Variants in CAPN2 observed in about 807,000 individuals in gnomAD.
The protein encoded by CAPN2 is calpain 2.
Under a neutral mutation model 102.3 loss-of-function variants are expected in CAPN2, and 92 were observed. That is an observed-to-expected ratio of 0.90 (90% CI 0.76 to 1.07). CAPN2 has a LOEUF of 1.07. Among genes scored for constraint, CAPN2 ranks in the 50% least tolerant of loss-of-function variants. The pLI, the probability that CAPN2 is intolerant of heterozygous loss-of-function variation, is 0.00. For missense variants in CAPN2, 800 were observed against 909.4 expected, an observed-to-expected ratio of 0.88 and a Z score of 1.55; for synonymous variants, 340 against 355.4, an observed-to-expected ratio of 0.96 and a Z score of 0.49.
Position 223,755,834 on chromosome 1 carries a change from C to A in CAPN2, c.1305+185C>A, listed in dbSNP as rs1556780. ...CCCCGTAGGGAGGCCCCTGCAGTGG[C>A]TCTGGGTTGTGGGGCCTTCTAAGCC... On this transcript the variant is annotated intron_variant, in intron 10 of 20. Coordinates refer to ENST00000295006, the MANE Select transcript of CAPN2 (RefSeq NM_001748.5). This position sits in a 1 kb window ranked among gnomAD's most constrained non-coding sequence, Gnocchi z 4.1. 6.6e-6 allele frequency among the ~76,000 whole-genome samples: 1 copy of A among 152,150 alleles called. No individual in the cohort carries two copies. Among genetic ancestry groups the A allele is most frequent in the South Asian group, 2.1e-4 (1 of 4,834 alleles).
At chr1:223,740,344 C>T (rs1245929415) in intron 2 of CAPN2, among the ~76,000 whole-genome samples, 1 of 152,194 alleles carries the variant, frequency 6.6e-6, no homozygotes, top group African/African-American at 2.4e-5. Context: ...AAAGGGTACA[C>T]TCACCAGGAG....
In CAPN2 at chr1:223,759,414, A is replaced by C. The variant is rs144006318; in HGVS notation, c.1462A>C (p.Thr488Pro). 34 of 1,614,014 alleles carry C rather than the reference A, an allele frequency of 2.1e-5. No homozygotes were observed. Among genetic ancestry groups the C allele is most frequent in the Middle Eastern group, 1.6e-4 (1 of 6,082 alleles). Residue 488 changes from threonine (T) to proline (P), a missense_variant, in exon 12 of 21, where the codon ACC (threonine) becomes CCC (proline). Thr to Pro is a conservative substitution (Grantham distance 38). Transcript: ENST00000295006. This position sits in a 1 kb window ranked among gnomAD's most constrained non-coding sequence, Gnocchi z 4.6. ...PPGEYILVPS[T>P]FEPNKDGDFC... is the part of the protein sequence containing the mutation. ...AGGAGAGTACATTCTCGTGCCTTCC[A>C]CCTTCGAACCCAACAAGGATGGGGA... is the stretch of plus-strand genomic sequence containing the variant.
chr1:223,754,204 A>C lies in CAPN2; in HGVS notation c.1135+1248A>C, dbSNP rs2102805001. Among the ~76,000 whole-genome samples the C allele has an allele frequency of 6.6e-6, 1 of 152,326 alleles. No homozygotes were observed. Among genetic ancestry groups the C allele is most frequent in the Admixed American group, 6.5e-5 (1 of 15,298 alleles). On this transcript the variant is annotated intron_variant, in intron 9 of 20. Coordinates refer to ENST00000295006, the MANE Select transcript of CAPN2 (RefSeq NM_001748.5). This position sits in a 1 kb window ranked among gnomAD's most constrained non-coding sequence, Gnocchi z 4.7. The stretch of plus-strand genomic sequence containing the variant: ...GACAGATGAGGAAGCTGAGCCTCTA[A>C]GTCGCATACCAGGGCCACAGAGCAA...
At position 223,731,759 on chromosome 1, in the gene CAPN2, C is replaced by T. The variant is rs1340615247; in HGVS notation, c.308-12341C>T. Among the ~76,000 whole-genome samples the T allele has an allele frequency of 6.6e-6, 1 of 152,146 alleles. No homozygotes were observed. Among genetic ancestry groups the T allele is most frequent in the Admixed American group, 6.5e-5 (1 of 15,270 alleles). The stretch of plus-strand genomic sequence containing the variant: ...GAGGCACGGCAAGCTGGGCCCCAGG[C>T]GAGAAGCATGGAGTGAGGGATGTGG... On this transcript the variant is annotated intron_variant, in intron 2 of 20. Transcript: ENST00000295006. The surrounding 1 kb of genome is among the most constrained non-coding windows in gnomAD (Gnocchi z 4.2).
intron 12 of CAPN2, among the ~76,000 whole-genome samples, chr1:223,760,471 A>G (rs901285477): frequency 6.6e-6 from 1 of 152,204 alleles, no homozygotes; most frequent in Non-Finnish European, 1.5e-5. Flanking sequence ...CTGCATACCA[A>G]TGAATGCCAC....
At chr1:223,737,609 G>A (rs1327179027) in intron 2 of CAPN2, among the ~76,000 whole-genome samples, 7 of 150,018 alleles carry the variant, frequency 4.7e-5, no homozygotes, top group African/African-American at 1.7e-4. Flanking sequence ...AGAGATGGGA[G>A]TGGGAGCTTT....
intron 2 of CAPN2, among the ~76,000 whole-genome samples, chr1:223,723,734 T>C (rs1660118248): frequency 1.3e-5 from 2 of 151,878 alleles, no homozygotes; most frequent in South Asian, 4.1e-4. Context: ...TGTCCCACCC[T>C]GGCTGCCTCA....
intron 1 of CAPN2, among the ~76,000 whole-genome samples, chr1:223,702,155 G>A (rs1571770227): frequency 1.5e-5 from 2 of 129,510 alleles, no homozygotes; most frequent in African/African-American, 3.2e-5. Flanking sequence ...GCTGGGCGCC[G>A]TGGCTCACGC....
At chr1:223,732,338 G>A (rs1660358305) in intron 2 of CAPN2, among the ~76,000 whole-genome samples, 2 of 152,234 alleles carry the variant, frequency 1.3e-5, no homozygotes, top group South Asian at 4.1e-4. Flanking sequence ...GAGCAGCCCT[G>A]AGGGCTGATG....
chr1:223,702,121 G>GGAAA (rs1659496360), intron 1 of CAPN2, among the ~76,000 whole-genome samples: 1 of 140,340 alleles, frequency 7.1e-6, no homozygotes, highest in African/African-American at 2.6e-5. Context: ...AAGGAAGGAA[G>GGAAA]GAAGGAAGGA....
rs2102781584 is a variant in CAPN2, at chr1:223,726,081, G to A, written c.307+8250G>A. Among the ~76,000 whole-genome samples the A allele has an allele frequency of 7.9e-6, 1 of 126,114 alleles. No individual in the cohort carries two copies. Among genetic ancestry groups the A allele is most frequent in the Middle Eastern group, 3.6e-3 (1 of 276 alleles). 82.7% of individuals were successfully genotyped at this position (126,114 alleles called of 152,430 possible). On this transcript the variant is annotated intron_variant, in intron 2 of 20. Transcript: ENST00000295006. This position sits in a 1 kb window ranked among gnomAD's most constrained non-coding sequence, Gnocchi z 4.4. ...CCATTCTCAGGATGATGTTTCTCCT[G>A]TATTTTGCTACCCCAGCCCAAGCAA...
At chr1:223,745,091 G>A (rs935919573) in intron 3 of CAPN2, among the ~76,000 whole-genome samples, 4 of 151,942 alleles carry the variant, frequency 2.6e-5, no homozygotes, top group South Asian at 2.1e-4. Context: ...CTAAAGAGGC[G>A]GGTGTGGATT....
In CAPN2 at chr1:223,712,861, A is replaced by C; in HGVS notation, c.221A>C (p.Glu74Ala). 6.5e-7 allele frequency: 1 copy of C among 1,545,078 alleles called. No individual in the cohort carries two copies. ...GPYSSKTRGIEWKRPTEICAD... is the reference protein window; with the variant it reads ...GPYSSKTRGIAWKRPTEICAD... ...TACTCCAGCAAAACCCGGGGCATCG[A>C]GTGGAAGCGCCCCACGGTAGGAAGC... is the stretch of plus-strand genomic sequence containing the variant. Residue 74 changes from glutamate (E) to alanine (A), a missense_variant, in exon 1 of 21, where the codon GAG becomes GCG. Glu to Ala is a moderately radical substitution (Grantham distance 107, BLOSUM62 -1). Coordinates refer to ENST00000295006, the MANE Select transcript of CAPN2 (RefSeq NM_001748.5).
intron 2 of CAPN2, among the ~76,000 whole-genome samples, chr1:223,741,098 A>C (rs1186041496): frequency 2.0e-5 from 3 of 152,216 alleles, no homozygotes; most frequent in African/African-American, 7.2e-5. Context: ...GATAATGTGC[A>C]TAAGGCTTTT....
rs958091663 is a variant in CAPN2 at position 223,725,937 on chromosome 1, A to C, written c.307+8106A>C. Among the ~76,000 whole-genome samples, 4 of 152,132 alleles carry C rather than the reference A, an allele frequency of 2.6e-5. No individual in the cohort carries two copies. Among genetic ancestry groups the C allele is most frequent in the Non-Finnish European group, 4.4e-5 (3 of 68,026 alleles). The stretch of plus-strand genomic sequence containing the variant: ...CTTTTTCTTTTCCTACAATGCAGGG[A>C]ACTTTAAGACTATGTGACAGAAAGG... On this transcript the variant is annotated intron_variant, in intron 2 of 20. Transcript: ENST00000295006. The surrounding 1 kb of genome is among the most constrained non-coding windows in gnomAD (Gnocchi z 4.1).
chr1:223,771,702 C>A (rs1661474714), intron 18 of CAPN2, 107 bp from the exon 19 acceptor site: 1 of 766,426 alleles, frequency 1.3e-6, no homozygotes, highest in Non-Finnish European at 2.3e-6. Context: ...GGGACAAAAG[C>A]AATTATACCT....
At chr1:223,772,787 A>G (rs1661516234) in intron 20 of CAPN2, 1 of 152,448 alleles carries the variant, frequency 6.6e-6, no homozygotes, top group African/African-American at 2.4e-5. Flanking sequence ...AATGATCATC[A>G]ATCTGAATTA....
Position 223,750,916 on chromosome 1 carries a change from A to G in CAPN2, c.840A>G (p.Lys280=). Reference sequence around the variant, plus strand: ...TTGAAAGTAACGGAAGCCTACAGAAACTGATCCGCATCCGAAATCCCTGGG... The same window carrying G: ...TTGAAAGTAACGGAAGCCTACAGAAGCTGATCCGCATCCGAAATCCCTGGG... ...EEVESNGSLQ[K]LIRIRNPWGE... The change falls in exon 7 of 21, where the codon AAA becomes AAG. Residue 280 remains lysine, a synonymous_variant. Coordinates refer to ENST00000295006, the MANE Select transcript of CAPN2 (RefSeq NM_001748.5). 1 of 1,552,470 alleles carries G rather than the reference A, an allele frequency of 6.4e-7. No homozygotes were observed. Among genetic ancestry groups the G allele is most frequent in the East Asian group, 2.4e-5 (1 of 41,080 alleles).
chr1:223,770,575 A>G (rs371810398), intron 18 of CAPN2, 50 bp downstream of exon 18: 18 of 1,186,046 alleles, frequency 1.5e-5, no homozygotes, highest in Admixed American at 8.7e-5. Context: ...TGTCTGTAGA[A>G]TATGTGAACA....
Sources: allele counts gnomAD v4.1 joint callset (sites outside exome capture counted in the v4.1 genomes callset), GRCh38; gene constraint gnomAD v4.1.1; non-coding constraint Gnocchi (gnomAD v3.1); transcripts MANE v1.5; gene names NCBI Gene and HGNC (gene_info 2026-07-23, HGNC 2026-07-21).